RASA3: variants seen among roughly 807,000 people sequenced by gnomAD.
The protein encoded by RASA3 is ras GTPase-activating protein 3.
RASA3 carries 73 observed loss-of-function variants against 110.0 expected under a neutral mutation model. That is an observed-to-expected ratio of 0.66 (90% confidence interval 0.55 to 0.81). RASA3 has a LOEUF of 0.81. RASA3 is among the 30% of genes least tolerant of loss of function. RASA3 has a pLI of 0.00. For missense variants in RASA3, 976 were observed against 1,113.2 expected (o/e 0.88, Z 1.75); for synonymous variants, 500 against 451.4 (o/e 1.11, Z -1.37).
chr13:113,994,662 C>T lies in RASA3; in HGVS notation c.2141+1869G>A, dbSNP rs114456233. Among the ~76,000 whole-genome samples the T allele has an allele frequency of 8.5e-3, 1,295 of 152,118 alleles. 23 individuals carry two copies. Among genetic ancestry groups the T allele is most frequent in the African/African-American group, 0.029 (1,218 of 41,488 alleles). ...GAGACCTGGCAACATAGTGAGACCC[C>T]GTCTCTACAAAAAACCAAAATTTAA... On this transcript the variant is annotated intron_variant, in intron 21 of 23. Coordinates refer to ENST00000334062, the MANE Select transcript of RASA3 (RefSeq NM_007368.4).
Position 114,017,295 on chromosome 13 carries a change from G to A in RASA3, c.1148C>T (p.Thr383Ile). ...NSLASKCIDE[T>I]MKLAGMHYLH... ...GTAATGCATCCCCGCCAGCTTCATG[G>A]TCTCGTCGATGCACTTGGACGCCAG... The change falls in exon 12 of 24, where the codon ACC becomes ATC. Residue 383 changes from threonine to isoleucine, a missense_variant. By Grantham distance (89) the Thr-to-Ile change is moderately conservative. Around this residue, in one of 4 missense-constraint regions of RASA3, gnomAD observed 732 missense variants for 779.7 expected, o/e 0.94. Transcript: ENST00000334062. 1 of 1,614,010 alleles carries A rather than the reference G, an allele frequency of 6.2e-7. No individual in the cohort carries two copies. Among genetic ancestry groups the A allele is most frequent in the Non-Finnish European group, 8.5e-7 (1 of 1,180,040 alleles).
At chr13:114,013,863 CCTGTCT>C (rs2053715251) in intron 14 of RASA3, among the ~76,000 whole-genome samples, 3 of 122,642 alleles carry the variant, frequency 2.4e-5, no homozygotes, top group African/African-American at 1.0e-4. Flanking sequence ...TGTCTCTCTC[CCTGTCT>C]CTCTCCCTAT....
At chr13:114,010,631 C>T (rs1283628586) in intron 16 of RASA3, among the ~76,000 whole-genome samples, 1 of 95,772 alleles carries the variant, frequency 1.0e-5, no homozygotes, top group Non-Finnish European at 2.1e-5. Flanking sequence ...GAGGCGGCCG[C>T]TTGGGGAGGA....
At chr13:113,988,920 A>G (rs909083767) in intron 22 of RASA3, among the ~76,000 whole-genome samples, 7 of 138,858 alleles carry the variant, frequency 5.0e-5, no homozygotes, top group African/African-American at 2.0e-4. Flanking sequence ...TCACTCGCCC[A>G]TCTGTCCATC....
chr13:114,025,335 A>G (rs1426199193), intron 7 of RASA3, among the ~76,000 whole-genome samples: 1 of 152,180 alleles, frequency 6.6e-6, no homozygotes, highest in Non-Finnish European at 1.5e-5. Context: ...TTCCTGACCT[A>G]CACACCACTG....
rs190360502 is a variant in RASA3, at chr13:114,115,582, T to C, written c.55+16853A>G. On this transcript the variant is annotated intron_variant, in intron 1 of 23. Coordinates refer to ENST00000334062, the MANE Select transcript of RASA3 (RefSeq NM_007368.4). The surrounding 1 kb of genome is among the most constrained non-coding windows in gnomAD (Gnocchi z 5.0). Reference sequence around the variant, plus strand: ...GTGCAGGCCTCGAAGCAGCTGGTCATGTCCACGCCCTCTGCAGGCCTCGTG... The same window carrying C: ...GTGCAGGCCTCGAAGCAGCTGGTCACGTCCACGCCCTCTGCAGGCCTCGTG... 3.1e-4 allele frequency among the ~76,000 whole-genome samples: 47 copies of C among 152,320 alleles called. No individual in the cohort carries two copies. The highest frequency in any genetic ancestry group is 4.1e-4 in the Non-Finnish European group (28 of 68,036).
At chr13:114,060,957 A>G (rs888047312) in intron 2 of RASA3, among the ~76,000 whole-genome samples, 22 of 149,152 alleles carry the variant, frequency 1.5e-4, no homozygotes, top group African/African-American at 5.4e-4. Flanking sequence ...AGCCCCCCAC[A>G]GCCGGCAGAT....
intron 9 of RASA3, among the ~76,000 whole-genome samples, chr13:114,020,452 T>C (rs1461195713): frequency 3.3e-5 from 5 of 152,330 alleles, no homozygotes; most frequent in South Asian, 2.1e-4. Context: ...AGGGGGCCTG[T>C]GCCCGTGCCG....
At chr13:114,032,907 C>G (rs1166567301) in intron 4 of RASA3, among the ~76,000 whole-genome samples, 1 of 102,276 alleles carries the variant, frequency 9.8e-6, no homozygotes, top group Admixed American at 9.3e-5. Context: ...CACTTGATAC[C>G]ATGCCCCACA....
At chr13:114,029,936 A>G in intron 4 of RASA3, 49 bp from the exon 5 acceptor site, 1 of 1,502,328 alleles carries the variant, frequency 6.7e-7, no homozygotes, top group Non-Finnish European at 9.0e-7. Flanking sequence ...CTGCTCCCAC[A>G]GGCCACTAGG....
chr13:114,012,698 C>A (rs1379706749), intron 15 of RASA3, among the ~76,000 whole-genome samples: 5 of 135,940 alleles, frequency 3.7e-5, no homozygotes, highest in South Asian at 2.5e-4. Flanking sequence ...TCCACACACT[C>A]CTCATTCCAC....
rs147109359 is a variant in RASA3, at chr13:114,042,241, C to T, written c.278-1147G>A. Among the ~76,000 whole-genome samples the T allele has an allele frequency of 6.1e-3, 910 of 150,256 alleles. 2 individuals carry two copies. Among genetic ancestry groups the T allele is most frequent in the African/African-American group, 0.018 (729 of 41,408 alleles). On this transcript the variant is annotated intron_variant, in intron 3 of 23. Transcript: ENST00000334062. ...GGGCACCGAGCCATCTCCCATCCTGCGTCCCTTCATGGCACCACCATGTCA... is the reference window on the plus strand; with the variant it reads ...GGGCACCGAGCCATCTCCCATCCTGTGTCCCTTCATGGCACCACCATGTCA...
chr13:114,045,178 G>A (rs1414193883), intron 3 of RASA3, among the ~76,000 whole-genome samples: 2 of 152,136 alleles, frequency 1.3e-5, no homozygotes, highest in Non-Finnish European at 2.9e-5. Context: ...GCTGACCTGA[G>A]AGAATGCCTG....
At chr13:114,073,982 G>T in intron 1 of RASA3, 145 bp from the exon 2 acceptor site, 1 of 727,140 alleles carries the variant, frequency 1.4e-6, no homozygotes. Context: ...AAGTCAAAAT[G>T]TGGATGTGCA....
At chr13:113,989,225 C>G (rs2053043625) in intron 22 of RASA3, among the ~76,000 whole-genome samples, 1 of 149,840 alleles carries the variant, frequency 6.7e-6, no homozygotes, top group African/African-American at 2.5e-5. Flanking sequence ...ACCCATCTAC[C>G]CATCCATCCA....
chr13:114,055,385 T>C (rs578211223), intron 2 of RASA3, among the ~76,000 whole-genome samples: 1 of 152,312 alleles, frequency 6.6e-6, no homozygotes, highest in African/African-American at 2.4e-5. Context: ...CTGCAGGATC[T>C]CGGGGCAGGA....
Position 114,115,507 on chromosome 13 carries a change from T to A in RASA3, c.55+16928A>T, listed in dbSNP as rs1201423473. ...GGTTAACTGATTCATTAATACTCACTTCCTGTCGCAAGAGACTCATGCCCT... is the reference window on the plus strand; with the variant it reads ...GGTTAACTGATTCATTAATACTCACATCCTGTCGCAAGAGACTCATGCCCT... On this transcript the variant is annotated intron_variant, in intron 1 of 23. Transcript: ENST00000334062. The surrounding 1 kb of genome is among the most constrained non-coding windows in gnomAD (Gnocchi z 5.0). 6.6e-6 allele frequency among the ~76,000 whole-genome samples: 1 copy of A among 152,228 alleles called. No individual in the cohort carries two copies. Among genetic ancestry groups the A allele is most frequent in the Non-Finnish European group, 1.5e-5 (1 of 68,040 alleles).
chr13:114,060,839 G>A (rs2079326746), intron 2 of RASA3, among the ~76,000 whole-genome samples: 1 of 152,238 alleles, frequency 6.6e-6, no homozygotes. Context: ...CCTGTGAAGA[G>A]CAGGAGGCTG....
At chr13:114,031,327 CTGTGTGTTTGGCTGTG>C in intron 4 of RASA3, among the ~76,000 whole-genome samples, 1 of 151,040 alleles carries the variant, frequency 6.6e-6, no homozygotes, top group Non-Finnish European at 1.5e-5. Flanking sequence ...ATCTGCCTGT[CTGTGTGTTTGGCTGTG>C]TGTGTCCTTC....
Sources: gnomAD v4.1 joint callset for allele counts (sites outside exome capture counted in the v4.1 genomes callset) on GRCh38, gnomAD v4.1.1 for gene constraint, gnomAD v4.1.1 regional missense constraint, Gnocchi (gnomAD v3.1) non-coding constraint, MANE v1.5 for transcripts, NCBI Gene and HGNC (gene_info 2026-07-23, HGNC 2026-07-21) for gene names.